HACL1: variants seen among roughly 807,000 people sequenced by gnomAD.
HACL1 encodes the protein 1600020H07Rik.
HACL1 carries 64 observed loss-of-function variants against 74.2 expected under a neutral mutation model. The observed-to-expected ratio is 0.86, with a 90% CI of 0.70 to 1.06. HACL1 has a LOEUF of 1.06. Ranked by LOEUF, HACL1 falls within the 50% of genes least tolerant of loss-of-function variation. The pLI, the probability that HACL1 is intolerant of heterozygous loss-of-function variation, is 0.00. For missense variants in HACL1, 728 were observed against 719.7 expected (o/e 1.01, Z -0.13); for synonymous variants, 230 against 238.8 (o/e 0.96, Z 0.34).
rs199929438 is a variant in HACL1 at position 15,585,337 on chromosome 3, C to T, written c.465G>A (p.Val155=). The stretch of plus-strand genomic sequence containing the variant: ...CTGGACGACCATAGATACTGCTTCT[C>T]ACTGCCTACGTTCATTACAAGTAGA... ...EAIPFVIEKA[V]RSSIYGRPGA... Residue 155 remains valine, a synonymous_variant, in exon 7 of 17, where the codon GTG becomes GTA. Coordinates refer to ENST00000321169, the MANE Select transcript of HACL1 (RefSeq NM_012260.4). 5.1e-6 allele frequency: 8 copies of T among 1,569,174 alleles called. No individual in the cohort carries two copies. In the East Asian group the frequency reaches 1.8e-4, roughly 35 times the overall value.
chr3:15,593,841 A>T (rs1263681106), intron 3 of HACL1, among the ~76,000 whole-genome samples: 1 of 117,088 alleles, frequency 8.5e-6, no homozygotes, highest in Non-Finnish European at 1.6e-5. Flanking sequence ...CTTGTTCCCC[A>T]GGCTGCAGTG....
chr3:15,590,529 G>C (rs2063872363), intron 4 of HACL1, among the ~76,000 whole-genome samples: 1 of 152,114 alleles, frequency 6.6e-6, no homozygotes, highest in African/African-American at 2.4e-5. Context: ...CCCTCAACCT[G>C]ATCTCACTGG....
chr3:15,599,832 C>T (rs2064151314), intron 2 of HACL1, among the ~76,000 whole-genome samples: 1 of 152,202 alleles, frequency 6.6e-6, no homozygotes, highest in Non-Finnish European at 1.5e-5. Flanking sequence ...TAGCACAATC[C>T]TTAGTATACA....
chr3:15,592,235 T>TGC (rs2063931240), intron 3 of HACL1, among the ~76,000 whole-genome samples: 2 of 150,568 alleles, frequency 1.3e-5, no homozygotes, highest in African/African-American at 4.9e-5. Flanking sequence ...CATACGTATA[T>TGC]ACGTATACAT....
At chr3:15,571,863 G>A (rs562062499) in intron 11 of HACL1, 94 bp from the exon 12 acceptor site, 10 of 491,074 alleles carry the variant, frequency 2.0e-5, no homozygotes, top group Non-Finnish European at 3.0e-5. Context: ...TTTTTGAGAC[G>A]AAGTCTCGTT....
chr3:15,575,377 GA>G (rs1440875090), intron 9 of HACL1, among the ~76,000 whole-genome samples: 2 of 151,042 alleles, frequency 1.3e-5, no homozygotes, highest in African/African-American at 4.9e-5. Context: ...AGGCAATCCA[GA>G]AAAAAAACAG....
At chr3:15,588,794 GTTTCT>G (rs916215319) in intron 5 of HACL1, among the ~76,000 whole-genome samples, 6 of 152,070 alleles carry the variant, frequency 3.9e-5, no homozygotes, top group South Asian at 2.1e-4. Context: ...ATTCTTTCAA[GTTTCT>G]TTTAATTTTG....
chr3:15,576,278 G>C (rs2063625965), intron 9 of HACL1, among the ~76,000 whole-genome samples: 1 of 150,700 alleles, frequency 6.6e-6, no homozygotes, highest in South Asian at 2.1e-4. Flanking sequence ...TCAATTGCTA[G>C]ATATTTTGTT....
chr3:15,589,359 T>C (rs1032389475), intron 5 of HACL1, among the ~76,000 whole-genome samples, 181 bp downstream of exon 5: 7 of 152,010 alleles, frequency 4.6e-5, no homozygotes, highest in Non-Finnish European at 1.0e-4. Flanking sequence ...TAGCCAGGCA[T>C]GGTGGTGTGA....
At position 15,579,987 on chromosome 3, in the gene HACL1, C is replaced by A; in HGVS notation, c.726G>T (p.Leu242=). 6.2e-7 allele frequency: 1 copy of A among 1,608,370 alleles called. No individual in the cohort carries two copies. The highest frequency in any genetic ancestry group is 8.5e-7 in the Non-Finnish European group (1 of 1,174,888). The change falls in exon 9 of 17, where the codon CTG becomes CTT. Residue 242 remains leucine (L), a synonymous_variant. Coordinates refer to ENST00000321169, the MANE Select transcript of HACL1 (RefSeq NM_012260.4). ...TCCCCATAGGGGTGGGCAAAAATGG[C>A]AGTTTATATTGCTCCACCAATTTCT... ...SIKKLVEQYK[L]PFLPTPMGKG... is the part of the protein sequence containing the mutation.
chr3:15,561,088 A>C (rs1176146627), intron 16 of HACL1, among the ~76,000 whole-genome samples, 191 bp from the exon 17 acceptor site: 2 of 152,218 alleles, frequency 1.3e-5, no homozygotes, highest in Non-Finnish European at 2.9e-5. Flanking sequence ...GTGTCCTATA[A>C]AACAACCTAA....
At chr3:15,575,723 T>C (rs1352065875) in intron 9 of HACL1, among the ~76,000 whole-genome samples, 1 of 152,028 alleles carries the variant, frequency 6.6e-6, no homozygotes, top group Non-Finnish European at 1.5e-5. Context: ...TAATTTTTTG[T>C]AGAGATGGGG....
At chr3:15,562,021 G>C (rs1414727305) in intron 16 of HACL1, among the ~76,000 whole-genome samples, 2 of 152,172 alleles carry the variant, frequency 1.3e-5, no homozygotes, top group East Asian at 1.9e-4. Context: ...TTTCCCCAGG[G>C]CTCTGATGGC....
At chr3:15,597,910 C>T (rs915314339) in intron 2 of HACL1, among the ~76,000 whole-genome samples, 8 of 152,056 alleles carry the variant, frequency 5.3e-5, no homozygotes, top group South Asian at 2.1e-4. Context: ...AGAAATGTTG[C>T]TAGGCAATGC....
intron 2 of HACL1, among the ~76,000 whole-genome samples, chr3:15,597,751 C>T (rs2064095057): frequency 1.3e-5 from 2 of 151,758 alleles, no homozygotes; most frequent in Admixed American, 6.6e-5. Context: ...CTCTACTGGC[C>T]CCATCTCTCT....
chr3:15,601,124 C>T lies in HACL1; in HGVS notation c.152G>A (p.Gly51Asp), dbSNP rs1333528961. Residue 51 changes from glycine (G) to aspartate (D), a missense_variant, in exon 2 of 17, where the codon GGC (glycine) becomes GAC (aspartate). By Grantham distance (94) the Gly-to-Asp change is moderately conservative. Coordinates refer to ENST00000321169, the MANE Select transcript of HACL1 (RefSeq NM_012260.4). ...ATTCCTCATCCCGATGTACTTGATG[C>T]CTAGCTGCTGGGCAGCAATGGCGAT... ...TEIAIAAQQLGIKYIGMRNEQ... is the reference protein window; with the variant it reads ...TEIAIAAQQLDIKYIGMRNEQ... The T allele has an allele frequency of 1.9e-6, 3 of 1,613,602 alleles. No homozygotes were observed. The highest frequency in any genetic ancestry group is 1.7e-5 in the Admixed American group (1 of 60,012).
At chr3:15,600,665 G>A in intron 2 of HACL1, 1 of 187,936 alleles carries the variant, frequency 5.3e-6, no homozygotes. Flanking sequence ...GGTAATCTCT[G>A]AACACCTTTC....
intron 11 of HACL1, 76 bp from the exon 12 acceptor site, chr3:15,571,845 T>TC: frequency 1.5e-6 from 1 of 646,218 alleles, no homozygotes; most frequent in East Asian, 3.0e-5. Context: ...TTTTTTTTTT[T>TC]TTTTTTTTTT....
At chr3:15,586,707 A>T (rs2063801240) in intron 5 of HACL1, 105 bp from the exon 6 acceptor site, 1 of 689,856 alleles carries the variant, frequency 1.4e-6, no homozygotes, top group Admixed American at 2.4e-5. Context: ...TTTAGAGGCA[A>T]GATGGAGAAA....
Sources: gnomAD v4.1 joint callset for allele counts (sites outside exome capture counted in the v4.1 genomes callset) on GRCh38, gnomAD v4.1.1 for gene constraint, MANE v1.5 for transcripts, NCBI Gene and HGNC (gene_info 2026-07-23, HGNC 2026-07-21) for gene names.